FER: variants seen among roughly 807,000 people sequenced by gnomAD.
The protein encoded by FER is tyrosine-protein kinase Fer.
A neutral mutation model predicts 111.0 loss-of-function variants in FER; 63 were observed. That is an observed-to-expected ratio of 0.57 (90% CI 0.46 to 0.70). The LOEUF (loss-of-function observed/expected upper bound fraction) is 0.70. Ranked by LOEUF, FER falls within the 30% of genes least tolerant of loss-of-function variation. The probability of loss-of-function intolerance (pLI) is 0.00; values close to 1 mark genes in which losing one functional copy is unlikely to be tolerated. For synonymous variants in FER, 327 were observed against 313.9 expected (o/e 1.04, Z -0.44); for missense variants, 914 against 954.0 (o/e 0.96, Z 0.55).
chr5:108,845,788 G>C (rs73780596), intron 5 of FER, among the ~76,000 whole-genome samples: 3,198 of 152,206 alleles, frequency 0.021, 106 homozygotes, highest in African/African-American at 0.074. Context: ...AAATCCTACT[G>C]AAGTAATTTT....
At chr5:108,850,189 G>T (rs1336531375) in intron 5 of FER, among the ~76,000 whole-genome samples, 1 of 146,282 alleles carries the variant, frequency 6.8e-6, no homozygotes, top group Non-Finnish European at 1.5e-5. Context: ...GCAAGACTCC[G>T]TCTCAAAAAA....
At chr5:108,929,436 G>T (rs1754250767) in intron 10 of FER, among the ~76,000 whole-genome samples, 1 of 152,112 alleles carries the variant, frequency 6.6e-6, no homozygotes, top group Non-Finnish European at 1.5e-5. Flanking sequence ...CTGGAATCTA[G>T]ACATCTAAGG....
At chr5:108,868,588 G>C (rs2150238239) in intron 6 of FER, among the ~76,000 whole-genome samples, 1 of 152,138 alleles carries the variant, frequency 6.6e-6, no homozygotes, top group South Asian at 2.1e-4. Flanking sequence ...CCTTCCAAAT[G>C]ACTAAATTCA....
intron 13 of FER, among the ~76,000 whole-genome samples, chr5:108,963,294 G>T (rs1309949121): frequency 1.3e-5 from 2 of 152,180 alleles, no homozygotes; most frequent in Non-Finnish European, 2.9e-5. Flanking sequence ...CAAGTGCAGT[G>T]GCTCGTGCCT....
chr5:109,035,578 A>G (rs147880957), intron 13 of FER, among the ~76,000 whole-genome samples: 1 of 152,294 alleles, frequency 6.6e-6, no homozygotes, highest in East Asian at 1.9e-4. Context: ...GGCTATTACA[A>G]ATAGAGCTGC....
intron 14 of FER, among the ~76,000 whole-genome samples, chr5:109,037,855 T>G (rs989037891): frequency 2.0e-5 from 3 of 151,976 alleles, no homozygotes; most frequent in Non-Finnish European, 2.9e-5. Flanking sequence ...TGTTTCTGGT[T>G]ACATGTGATA....
intron 2 of FER, among the ~76,000 whole-genome samples, chr5:108,781,217 G>A (rs1036722499): frequency 6.6e-6 from 1 of 152,120 alleles, no homozygotes; most frequent in African/African-American, 2.4e-5. Flanking sequence ...TTGAGATGGA[G>A]TCTCACTCTG....
intron 8 of FER, among the ~76,000 whole-genome samples, chr5:108,879,693 TAAA>T (rs59305064): frequency 1.9e-4 from 22 of 116,632 alleles, no homozygotes; most frequent in African/African-American, 7.3e-4. Flanking sequence ...TTTTTTAGAT[TAAA>T]AAAAAATATA....
chr5:109,125,830 G>A (rs1279298701), intron 17 of FER, among the ~76,000 whole-genome samples: 1 of 152,128 alleles, frequency 6.6e-6, no homozygotes, highest in African/African-American at 2.4e-5. Flanking sequence ...AACATTCCCA[G>A]GTTGTTCCTA....
intron 16 of FER, among the ~76,000 whole-genome samples, chr5:109,048,178 A>G (rs1772270780): frequency 6.6e-6 from 1 of 152,170 alleles, no homozygotes; most frequent in South Asian, 2.1e-4. Context: ...TTCTGTTTAC[A>G]GAAATTAATT....
intron 5 of FER, among the ~76,000 whole-genome samples, chr5:108,843,599 G>T (rs7713158): frequency 2.1e-5 from 3 of 144,386 alleles, no homozygotes; most frequent in African/African-American, 7.7e-5. Flanking sequence ...GTGTGATCTC[G>T]GGTCGCTGTA....
intron 16 of FER, among the ~76,000 whole-genome samples, chr5:109,077,144 C>T (rs1029619660): frequency 6.6e-6 from 1 of 152,178 alleles, no homozygotes; most frequent in Non-Finnish European, 1.5e-5. Flanking sequence ...TGCGTAGTGT[C>T]GAATTTTAAC....
chr5:108,857,925 T>C (rs1763154445), intron 5 of FER, among the ~76,000 whole-genome samples: 1 of 152,200 alleles, frequency 6.6e-6, no homozygotes, highest in African/African-American at 2.4e-5. Context: ...GCTCATCTTA[T>C]ACTTTTCCTA....
At chr5:108,996,542 G>T (rs1302867912) in intron 13 of FER, among the ~76,000 whole-genome samples, 3 of 152,040 alleles carry the variant, frequency 2.0e-5, no homozygotes, top group African/African-American at 7.3e-5. Context: ...TCTTGTTTTT[G>T]TCAGGTTTGT....
intron 12 of FER, among the ~76,000 whole-genome samples, chr5:108,958,285 C>T (rs945452779): frequency 4.6e-5 from 7 of 151,546 alleles, no homozygotes; most frequent in Non-Finnish European, 4.4e-5. Context: ...TAGTCAGTTT[C>T]GAAAGTTCTT....
At chr5:109,098,643 A>G (rs1418722074) in intron 16 of FER, among the ~76,000 whole-genome samples, 3 of 151,660 alleles carry the variant, frequency 2.0e-5, no homozygotes, top group African/African-American at 7.2e-5. Flanking sequence ...GCATTTTAGT[A>G]CCTATTAAAG....
chr5:108,818,831 C>A (rs186152030), intron 3 of FER, among the ~76,000 whole-genome samples: 49 of 152,276 alleles, frequency 3.2e-4, no homozygotes, highest in African/African-American at 1.0e-3. Flanking sequence ...ACTCACCAAT[C>A]TTGCCCTACA....
Position 109,188,839 on chromosome 5 carries a change from C to CTTTA in FER, c.*1268_*1271dup, listed in dbSNP as rs565544137. 3.3e-5 allele frequency: 5 copies of CTTTA among 152,170 alleles called. No homozygotes were observed. In the East Asian group the frequency reaches 9.7e-4, roughly 29 times the overall value. 9.4% of individuals were successfully genotyped at this position (152,170 alleles called of 1,614,324 possible). A position where few individuals can be genotyped will look rare whatever the true frequency, so the allele number is the denominator to read the frequency against. On this transcript the variant is annotated 3_prime_UTR_variant, in exon 20 of 20. Transcript: ENST00000281092. ...AGGGGGCATTCCAAAATGTAATTTC[C>CTTTA]TTTATTTGTACCAGTTTTTAGAGCT...
chr5:108,779,682 C>T (rs551263371), intron 2 of FER, among the ~76,000 whole-genome samples: 4 of 152,186 alleles, frequency 2.6e-5, no homozygotes, highest in African/African-American at 4.8e-5. Context: ...TCAAGGAGTT[C>T]GTTGGGTCAA....
Sources: gnomAD v4.1 joint callset for allele counts (sites outside exome capture counted in the v4.1 genomes callset) on GRCh38, gnomAD v4.1.1 for gene constraint, MANE v1.5 for transcripts, NCBI Gene and HGNC (gene_info 2026-07-23, HGNC 2026-07-21) for gene names.